Variants in ZNF883 observed in about 807,000 individuals in gnomAD.
ZNF883 encodes the protein zinc finger protein 883.
intron 1 of ZNF883, among the ~76,000 whole-genome samples, 198 bp from the exon 2 acceptor site, chr9:113,011,425 G>C (rs138347691): frequency 3.3e-4 from 51 of 152,288 alleles, no homozygotes; most frequent in African/African-American, 1.2e-3. Context: ...ACCAGAAACA[G>C]GGCTAACTTT....
downstream of ZNF883, among the ~76,000 whole-genome samples, chr9:112,996,587 C>G (rs1002609420): frequency 1.3e-5 from 2 of 150,514 alleles, no homozygotes; most frequent in East Asian, 2.0e-4. Context: ...GTCAGGAGAT[C>G]GAGACCATCC....
chr9:112,997,442 G>T, exon 1 of ZNF883: 1 of 1,614,036 alleles, frequency 6.2e-7, no homozygotes, highest in Non-Finnish European at 8.5e-7. Flanking sequence ...TCGACTGAAG[G>T]TTTTTCCACA....
intron 2 of ZNF883, among the ~76,000 whole-genome samples, chr9:113,008,105 T>C (rs1385569326): frequency 2.6e-5 from 4 of 152,332 alleles, no homozygotes; most frequent in Middle Eastern, 3.4e-3. Flanking sequence ...TTTTAATGAT[T>C]ATCATAAGAA....
intron 2 of ZNF883, among the ~76,000 whole-genome samples, chr9:113,007,412 C>CA (rs1425236601): frequency 6.6e-6 from 1 of 152,172 alleles, no homozygotes; most frequent in Non-Finnish European, 1.5e-5. Context: ...ACTAACTCCC[C>CA]AAAATATGAC....
chr9:113,010,383 C>T (rs560449095), intron 2 of ZNF883, among the ~76,000 whole-genome samples: 32 of 152,188 alleles, frequency 2.1e-4, no homozygotes, highest in Non-Finnish European at 3.7e-4. Flanking sequence ...ACAGCCCTCT[C>T]GTAAGTGAGC....
intron 1 of ZNF883, among the ~76,000 whole-genome samples, chr9:112,989,998 G>T (rs540719359): frequency 6.6e-6 from 1 of 152,278 alleles, no homozygotes; most frequent in Admixed American, 6.5e-5. Flanking sequence ...TTGCTTATCA[G>T]CTTAAGAAGC....
rs756728212 is a variant in ZNF883 at position 112,997,404 on chromosome 9, T to A, written n.856A>T. ...TGATAGGGTTTCACACAAGAATGAA[T>A]TTTTAGATGTTCAGTAAGGTGTGTA... On this transcript the variant is annotated non_coding_transcript_exon_variant, in exon 1 of 1. Transcript: ENST00000639662. 5.6e-6 allele frequency: 9 copies of A among 1,613,902 alleles called. No individual in the cohort carries two copies. In the South Asian group the frequency reaches 7.7e-5, roughly 14 times the overall value.
At chr9:112,997,132 G>C in exon 1 of ZNF883, 2 of 1,601,890 alleles carry the variant, frequency 1.2e-6, no homozygotes, top group Non-Finnish European at 1.7e-6. Flanking sequence ...ACTCTGCTAA[G>C]GTTTCCTTTC....
At chr9:113,000,378 A>T (rs540294959), upstream of ZNF883, among the ~76,000 whole-genome samples, 43 of 152,294 alleles carry the variant, frequency 2.8e-4, no homozygotes, top group African/African-American at 9.4e-4. Context: ...AGGAAAACTG[A>T]AGTTTTCTGT....
chr9:112,992,002 A>G (rs1476484613), intron 1 of ZNF883, among the ~76,000 whole-genome samples: 1 of 152,212 alleles, frequency 6.6e-6, no homozygotes, highest in Non-Finnish European at 1.5e-5. Context: ...TCTCTTGAAT[A>G]CAACACACTG....
chr9:113,008,849 T>C (rs1353730781), intron 2 of ZNF883, among the ~76,000 whole-genome samples: 1 of 151,864 alleles, frequency 6.6e-6, no homozygotes, highest in Admixed American at 6.6e-5. Context: ...TGGAGTATAA[T>C]GGGAATACTT....
chr9:112,997,012 G>A, downstream of ZNF883: 1 of 1,019,490 alleles, frequency 9.8e-7, no homozygotes, highest in South Asian at 1.8e-5. Flanking sequence ...AAGTAAATGA[G>A]TGTTTTGCCT....
chr9:113,008,509 C>A (rs949979587), intron 2 of ZNF883, among the ~76,000 whole-genome samples: 1 of 152,058 alleles, frequency 6.6e-6, no homozygotes, highest in Non-Finnish European at 1.5e-5. Flanking sequence ...CCTTTCAACT[C>A]AAGAATGATA....
chr9:113,003,491 A>G (rs1316307055), intron 2 of ZNF883, among the ~76,000 whole-genome samples: 1 of 151,990 alleles, frequency 6.6e-6, no homozygotes, highest in Non-Finnish European at 1.5e-5. Flanking sequence ...AGTCCTTTTC[A>G]TATATCAGAT....
downstream of ZNF883, among the ~76,000 whole-genome samples, chr9:112,992,802 C>T (rs1828314847): frequency 6.6e-6 from 1 of 152,044 alleles, no homozygotes; most frequent in African/African-American, 2.4e-5. Context: ...TCTTGTCTGC[C>T]CGTCTTATTT....
Position 113,004,018 on chromosome 9 carries a change from T to C in ZNF883, n.166-1945A>G, listed in dbSNP as rs866388037. On this transcript the variant is annotated intron_variant and non_coding_transcript_variant, in intron 2 of 4. Coordinates refer to the ZNF883 transcript ENST00000638622. ...TGCAGATGTAATTAGTTAAGGTGAG[T>C]TCACACTGGAATGGGGTGGGCTCCT... 2.0e-5 allele frequency among the ~76,000 whole-genome samples: 3 copies of C among 152,312 alleles called. No individual in the cohort carries two copies. In the South Asian group the frequency reaches 6.2e-4, roughly 32 times the overall value.
intron 2 of ZNF883, among the ~76,000 whole-genome samples, chr9:113,004,466 A>C (rs1235256306): frequency 6.6e-6 from 1 of 152,130 alleles, no homozygotes; most frequent in Admixed American, 6.5e-5. Context: ...GTATTAGGTG[A>C]GGCCTTTGGG....
intron 2 of ZNF883, among the ~76,000 whole-genome samples, chr9:113,010,885 C>T (rs778136375): frequency 1.3e-5 from 2 of 150,730 alleles, no homozygotes; most frequent in Non-Finnish European, 2.9e-5. Flanking sequence ...ACTCAGGAGG[C>T]TGAGGCAGAA....
At chr9:112,988,186 T>C (rs1014065984) in intron 1 of ZNF883, among the ~76,000 whole-genome samples, 3 of 152,190 alleles carry the variant, frequency 2.0e-5, no homozygotes, top group African/African-American at 7.2e-5. Context: ...GTGCAGGACA[T>C]GCAGGTTTGT....
Sources: gnomAD v4.1 joint callset for allele counts (sites outside exome capture counted in the v4.1 genomes callset) on GRCh38, gnomAD v4.1.1 for gene constraint, MANE v1.5 for transcripts, NCBI Gene and HGNC (gene_info 2026-07-23, HGNC 2026-07-21) for gene names.